KLHL1: variants seen among roughly 807,000 people sequenced by gnomAD.
KLHL1 encodes the protein kelch like family member 1, also known as kelch-like protein 1.
KLHL1 carries 47 observed loss-of-function variants against 77.7 expected under a neutral mutation model. That is an observed-to-expected ratio of 0.60 (90% confidence interval 0.48 to 0.77). The LOEUF is 0.77. KLHL1 is among the 30% of genes least tolerant of loss of function. KLHL1 has a pLI of 0.00. For synonymous variants in KLHL1, 360 were observed against 325.2 expected, an observed-to-expected ratio of 1.11 and a Z score of -1.15; for missense variants, 925 against 910.8, an observed-to-expected ratio of 1.02 and a Z score of -0.20.
chr13:69,784,398 T>TAAAG (rs1212561438), intron 7 of KLHL1, among the ~76,000 whole-genome samples: 1 of 152,050 alleles, frequency 6.6e-6, no homozygotes, highest in Non-Finnish European at 1.5e-5. Flanking sequence ...GCAAATTGGA[T>TAAAG]AAAGAGTCAA....
chr13:69,864,306 GA>G lies in KLHL1; in HGVS notation c.1227+17976del, dbSNP rs916864696. Among the ~76,000 whole-genome samples the G allele has an allele frequency of 7.2e-4, 109 of 151,580 alleles. No homozygotes were observed. In the South Asian group the frequency reaches 0.014, roughly 19 times the overall value. ...AATACATTAAATTAAAATATTATAAGAAAAATCATTAAATATGTATGTTATC... is the reference window on the plus strand; with the variant it reads ...AATACATTAAATTAAAATATTATAAGAAAATCATTAAATATGTATGTTATC... On this transcript the variant is annotated intron_variant, in intron 5 of 10. Transcript: ENST00000377844.
At chr13:70,084,638 T>TTTTTTTTTTTTTTTTTTTTA (rs1887484187) in intron 1 of KLHL1, among the ~76,000 whole-genome samples, 1 of 126,000 alleles carries the variant, frequency 7.9e-6, no homozygotes, top group Non-Finnish European at 1.6e-5. Context: ...TTTTTTTTTT[T>TTTTTTTTTTTTTTTTTTTTA]TTTTTTTTTT....
chr13:69,830,207 C>T (rs1295122641), intron 6 of KLHL1, among the ~76,000 whole-genome samples: 4 of 150,206 alleles, frequency 2.7e-5, no homozygotes, highest in Non-Finnish European at 5.9e-5. Flanking sequence ...AAGAGACTCA[C>T]TTAATACATA....
intron 1 of KLHL1, among the ~76,000 whole-genome samples, chr13:70,030,795 G>A (rs1281177177): frequency 6.6e-6 from 1 of 152,106 alleles, no homozygotes; most frequent in African/African-American, 2.4e-5. Flanking sequence ...AAAAATCAAT[G>A]AATCCAGGAG....
intron 6 of KLHL1, among the ~76,000 whole-genome samples, chr13:69,806,536 C>T (rs762122493): frequency 3.3e-5 from 5 of 152,096 alleles, no homozygotes; most frequent in Non-Finnish European, 7.4e-5. Context: ...GTGTTCCAGG[C>T]AGCTTACCCA....
At chr13:69,718,819 C>G (rs1872894742) in intron 9 of KLHL1, among the ~76,000 whole-genome samples, 1 of 152,136 alleles carries the variant, frequency 6.6e-6, no homozygotes, top group Non-Finnish European at 1.5e-5. Context: ...ATAAGAGAAC[C>G]TATGTTTCCT....
At chr13:69,759,966 C>G (rs1277405384) in intron 7 of KLHL1, among the ~76,000 whole-genome samples, 2 of 152,112 alleles carry the variant, frequency 1.3e-5, no homozygotes, top group Non-Finnish European at 1.5e-5. Context: ...TCTAGTGACT[C>G]AAACCCTCCT....
intron 1 of KLHL1, among the ~76,000 whole-genome samples, chr13:69,996,350 T>C (rs1199759030): frequency 6.6e-6 from 1 of 151,136 alleles, no homozygotes; most frequent in Admixed American, 6.6e-5. Flanking sequence ...TATTAAAGAG[T>C]AGAGATTCCA....
chr13:69,726,652 G>T (rs540601338), intron 8 of KLHL1, among the ~76,000 whole-genome samples: 20 of 152,200 alleles, frequency 1.3e-4, no homozygotes, highest in Admixed American at 3.3e-4. Flanking sequence ...TTTATGAAAA[G>T]AATCTGACAA....
chr13:69,810,127 A>G (rs1387724780), intron 6 of KLHL1, among the ~76,000 whole-genome samples: 1 of 152,156 alleles, frequency 6.6e-6, no homozygotes, highest in African/African-American at 2.4e-5. Flanking sequence ...CATTAGACAG[A>G]TTGTTGAGGC....
chr13:69,920,236 A>G (rs936141278), intron 4 of KLHL1, among the ~76,000 whole-genome samples: 2 of 152,138 alleles, frequency 1.3e-5, no homozygotes, highest in Admixed American at 6.6e-5. Context: ...TCACTAAAAT[A>G]CATGTGAGAT....
chr13:70,027,054 G>A (rs1885967780), intron 1 of KLHL1, among the ~76,000 whole-genome samples: 1 of 151,982 alleles, frequency 6.6e-6, no homozygotes, highest in Non-Finnish European at 1.5e-5. Context: ...CAAATTTTGA[G>A]TTTAGAGTGT....
rs571775856 is a variant in KLHL1, at chr13:70,107,185, C to T, written c.497+18G>A. The T allele has an allele frequency of 3.2e-6, 5 of 1,572,010 alleles. No homozygotes were observed. The African/African-American group carries it at 4.1e-5, about 13-fold the overall frequency. On this transcript the variant is annotated intron_variant, in intron 1 of 10. Coordinates refer to ENST00000377844, the MANE Select transcript of KLHL1 (RefSeq NM_020866.3). ...GAAATTGAGAGATGCTTGGAAGCCC[C>T]GTGGGGACTTACTGTACCTGTGTCC...
chr13:69,881,382 A>G (rs112039483), intron 5 of KLHL1, among the ~76,000 whole-genome samples: 11 of 152,108 alleles, frequency 7.2e-5, no homozygotes, highest in African/African-American at 2.7e-4. Flanking sequence ...TAACATATGG[A>G]TTAGTAAAAA....
chr13:69,805,066 G>T (rs1050066634), intron 6 of KLHL1, among the ~76,000 whole-genome samples: 2 of 151,640 alleles, frequency 1.3e-5, no homozygotes, highest in African/African-American at 4.8e-5. Context: ...TTATATAAAA[G>T]GTATCATTGC....
chr13:69,939,923 C>T, intron 4 of KLHL1, 117 bp downstream of exon 4: 1 of 672,370 alleles, frequency 1.5e-6, no homozygotes. Context: ...AAAAAATGTG[C>T]CAAGCATAGA....
chr13:70,101,351 A>C (rs1036986468), intron 1 of KLHL1, among the ~76,000 whole-genome samples: 2 of 152,028 alleles, frequency 1.3e-5, no homozygotes, highest in Non-Finnish European at 2.9e-5. Context: ...CGTAGTATAA[A>C]CTACAGTTTA....
At chr13:69,947,737 A>T (rs575910863) in intron 3 of KLHL1, among the ~76,000 whole-genome samples, 3 of 152,286 alleles carry the variant, frequency 2.0e-5, no homozygotes, top group South Asian at 2.1e-4. Flanking sequence ...GAAGTCACAA[A>T]TGGAATATTA....
intron 1 of KLHL1, among the ~76,000 whole-genome samples, chr13:69,993,388 G>A (rs1394360582): frequency 6.6e-6 from 1 of 152,046 alleles, no homozygotes; most frequent in Admixed American, 6.6e-5. Flanking sequence ...TGTACAGCCT[G>A]CATTCCATGG....
Sources: allele counts gnomAD v4.1 joint callset (sites outside exome capture counted in the v4.1 genomes callset), GRCh38; gene constraint gnomAD v4.1.1; transcripts MANE v1.5; gene names NCBI Gene and HGNC (gene_info 2026-07-23, HGNC 2026-07-21).